Variants in ADAMTS19 observed in about 807,000 individuals in gnomAD.
The protein encoded by ADAMTS19 is ADAM metallopeptidase with thrombospondin type 1 motif 19, also known as A disintegrin and metalloproteinase with thrombospondin motifs 19.
Under a neutral mutation model 153.3 loss-of-function variants are expected in ADAMTS19, and 93 were observed. The ratio of observed to expected loss-of-function variants is 0.61; its 90% CI spans 0.51 to 0.72. The LOEUF is 0.72. ADAMTS19 is among the 30% of genes least tolerant of loss of function. The pLI is 0.00. For missense variants in ADAMTS19, 1,482 were observed against 1,552.1 expected (o/e 0.95, Z 0.76); for synonymous variants, 600 against 556.6 (o/e 1.08, Z -1.10).
In ADAMTS19 at chr5:129,658,791, C is replaced by T. The variant is rs1753703999; in HGVS notation, c.2425+54C>T. ...TTAATCCCTGCAATCTTTGGGAACACAGATTATATTGAATTTAACTTAAGA... is the reference window on the plus strand; with the variant it reads ...TTAATCCCTGCAATCTTTGGGAACATAGATTATATTGAATTTAACTTAAGA... On this transcript the variant is annotated intron_variant, in intron 15 of 22. Transcript: ENST00000274487. The T allele has an allele frequency of 3.3e-6, 5 of 1,508,088 alleles. No homozygotes were observed. The Admixed American group carries it at 5.8e-5, about 18-fold the overall frequency. The allele number at this position is 1,508,088 out of a possible 1,614,324, so 93.4% of individuals were successfully genotyped here.
chr5:129,487,763 A>G (rs769855723), intron 2 of ADAMTS19, among the ~76,000 whole-genome samples: 3 of 152,096 alleles, frequency 2.0e-5, no homozygotes, highest in Non-Finnish European at 4.4e-5. Context: ...ATACATAATT[A>G]GTTTCAGTTT....
chr5:129,622,450 C>T (rs1210633752), intron 10 of ADAMTS19, 102 bp downstream of exon 10: 1 of 1,271,240 alleles, frequency 7.9e-7, no homozygotes, highest in African/African-American at 1.5e-5. Flanking sequence ...TCAAAAGCAC[C>T]CCAATATATA....
At chr5:129,624,558 A>G (rs563782367) in intron 10 of ADAMTS19, among the ~76,000 whole-genome samples, 1 of 152,256 alleles carries the variant, frequency 6.6e-6, no homozygotes, top group South Asian at 2.1e-4. Context: ...TTCATGTGGT[A>G]TAGAGAATTG....
At chr5:129,534,660 T>TG in intron 6 of ADAMTS19, among the ~76,000 whole-genome samples, 1 of 152,184 alleles carries the variant, frequency 6.6e-6, no homozygotes. Flanking sequence ...TGAACATTGA[T>TG]GCAGAAATCC....
chr5:129,540,564 C>T (rs184922835), intron 6 of ADAMTS19, among the ~76,000 whole-genome samples: 2 of 151,992 alleles, frequency 1.3e-5, no homozygotes, highest in East Asian at 1.9e-4. Flanking sequence ...TTTTGGTTTA[C>T]GTATAATACA....
chr5:129,607,532 G>C (rs1750960828), intron 8 of ADAMTS19, among the ~76,000 whole-genome samples: 1 of 152,172 alleles, frequency 6.6e-6, no homozygotes, highest in Non-Finnish European at 1.5e-5. Context: ...ATCAGTTTGG[G>C]TCAAGGAATG....
chr5:129,692,125 T>A (rs1025140667), intron 18 of ADAMTS19, among the ~76,000 whole-genome samples: 1 of 152,196 alleles, frequency 6.6e-6, no homozygotes, highest in Non-Finnish European at 1.5e-5. Context: ...TAGTATTTAT[T>A]TTAATCCTGC....
At chr5:129,554,053 C>G (rs1027688207) in intron 7 of ADAMTS19, among the ~76,000 whole-genome samples, 2 of 151,928 alleles carry the variant, frequency 1.3e-5, no homozygotes, top group Non-Finnish European at 2.9e-5. Flanking sequence ...CTTGTAAGTG[C>G]TAGGTATTAT....
intron 16 of ADAMTS19, among the ~76,000 whole-genome samples, chr5:129,677,952 G>T (rs2127111689): frequency 6.6e-6 from 1 of 152,096 alleles, no homozygotes; most frequent in African/African-American, 2.4e-5. Context: ...CACTGGGACT[G>T]CAGGCGGGCA....
intron 8 of ADAMTS19, among the ~76,000 whole-genome samples, chr5:129,601,576 T>C (rs1396079929): frequency 6.6e-6 from 1 of 152,122 alleles, no homozygotes; most frequent in Non-Finnish European, 1.5e-5. Context: ...TTGCTCATGG[T>C]TACAGTTTAT....
chr5:129,596,672 A>G lies in ADAMTS19; in HGVS notation c.1478+8A>G, dbSNP rs1304124270. On this transcript the variant is annotated splice_region_variant and intron_variant, in intron 8 of 22. Coordinates refer to ENST00000274487, the MANE Select transcript of ADAMTS19 (RefSeq NM_133638.6). Reference sequence around the variant, plus strand: ...TCATGAAATGGGTCACAAGTAAGTAAAAATCATGGCTATGTTAAATATGTT... The same window carrying G: ...TCATGAAATGGGTCACAAGTAAGTAGAAATCATGGCTATGTTAAATATGTT... 6.4e-7 allele frequency: 1 copy of G among 1,572,130 alleles called. No homozygotes were observed. Among genetic ancestry groups the G allele is most frequent in the Admixed American group, 1.7e-5 (1 of 57,426 alleles).
Position 129,461,311 on chromosome 5 carries a change from G to C in ADAMTS19, c.301G>C (p.Val101Leu), listed in dbSNP as rs897345569. The change falls in exon 2 of 23, where the codon GTG becomes CTG. Residue 101 changes from valine (V) to leucine (L), a missense_variant. This residue lies in a region of ADAMTS19 where 866 missense variants were observed against 827.7 expected (regional missense o/e 1.05). Coordinates refer to ENST00000274487, the MANE Select transcript of ADAMTS19 (RefSeq NM_133638.6). This position sits in a 1 kb window ranked among gnomAD's most constrained non-coding sequence, Gnocchi z 4.6. Reference sequence around the variant, plus strand: ...GGCTCCGGTGCCTTTGGAGGAGCCCGTGGAGGGCCGATCAGAGTCCCGGCT... The same window carrying C: ...GGCTCCGGTGCCTTTGGAGGAGCCCCTGGAGGGCCGATCAGAGTCCCGGCT... The part of the protein sequence containing the change: ...SVAPVPLEEP[V>L]EGRSESRLRP... The C allele has an allele frequency of 5.3e-6, 7 of 1,322,134 alleles. No homozygotes were observed. Among genetic ancestry groups the C allele is most frequent in the Non-Finnish European group, 6.7e-6 (7 of 1,044,260 alleles). The allele number at this position is 1,322,134 out of a possible 1,614,324, so 81.9% of individuals were successfully genotyped here. A position where few individuals can be genotyped will look rare whatever the true frequency, so the allele number is the denominator to read the frequency against.
At chr5:129,695,483 C>T (rs1755511744) in intron 19 of ADAMTS19, among the ~76,000 whole-genome samples, 1 of 152,084 alleles carries the variant, frequency 6.6e-6, no homozygotes, top group Non-Finnish European at 1.5e-5. Flanking sequence ...CAATGCTGAG[C>T]AGCTGTAAGT....
intron 10 of ADAMTS19, among the ~76,000 whole-genome samples, chr5:129,624,690 T>C (rs1048487429): frequency 7.2e-5 from 11 of 152,348 alleles, no homozygotes; most frequent in Middle Eastern, 3.4e-3. Context: ...TTCTTTTCCA[T>C]AAATACTATT....
At chr5:129,638,603 A>C (rs894612959) in intron 10 of ADAMTS19, among the ~76,000 whole-genome samples, 1 of 149,516 alleles carries the variant, frequency 6.7e-6, no homozygotes, top group Non-Finnish European at 1.5e-5. Flanking sequence ...ACACACACAC[A>C]AGCTATTCTA....
chr5:129,605,552 A>G (rs922740239), intron 8 of ADAMTS19, among the ~76,000 whole-genome samples: 20 of 152,096 alleles, frequency 1.3e-4, no homozygotes, highest in Non-Finnish European at 2.8e-4. Flanking sequence ...AAGCACAACC[A>G]CTGTCTGGCC....
chr5:129,667,072 A>G (rs1754085494), intron 16 of ADAMTS19, among the ~76,000 whole-genome samples: 1 of 152,132 alleles, frequency 6.6e-6, no homozygotes, highest in Non-Finnish European at 1.5e-5. Context: ...CCTCTACAGT[A>G]AACGCCTTTT....
At chr5:129,529,646 G>C (rs1752130390) in intron 6 of ADAMTS19, among the ~76,000 whole-genome samples, 1 of 152,078 alleles carries the variant, frequency 6.6e-6, no homozygotes, top group African/African-American at 2.4e-5. Flanking sequence ...TTTTTCCTTG[G>C]GAAAAAATTC....
intron 18 of ADAMTS19, among the ~76,000 whole-genome samples, chr5:129,688,945 G>A (rs17163088): frequency 0.044 from 6,741 of 152,198 alleles, 456 homozygotes; most frequent in African/African-American, 0.15. Context: ...TTTTGACATT[G>A]AAGACCTGTT....
Sources: allele counts gnomAD v4.1 joint callset (sites outside exome capture counted in the v4.1 genomes callset), GRCh38; gene constraint gnomAD v4.1.1; regional missense constraint gnomAD v4.1.1; non-coding constraint Gnocchi (gnomAD v3.1); transcripts MANE v1.5; gene names NCBI Gene and HGNC (gene_info 2026-07-23, HGNC 2026-07-21).